CDH18: variants seen among roughly 807,000 people sequenced by gnomAD.
The protein encoded by CDH18 is cadherin 18.
In CDH18, 31 loss-of-function variants were observed where a neutral mutation model predicts 67.9. That is an observed-to-expected ratio of 0.46 (90% CI 0.34 to 0.62). The LOEUF (loss-of-function observed/expected upper bound fraction) is 0.62. CDH18 is among the 20% of genes least tolerant of loss of function. CDH18 has a pLI of 0.01. For synonymous variants in CDH18, 362 were observed against 347.2 expected (o/e 1.04, Z -0.48); for missense variants, 890 against 975.5 (o/e 0.91, Z 1.17).
chr5:20,373,235 C>T (rs922753237), intron 1 of CDH18, among the ~76,000 whole-genome samples: 3 of 152,172 alleles, frequency 2.0e-5, no homozygotes, highest in Admixed American at 6.5e-5. Context: ...GCCTCTCAGA[C>T]TCTACATCAG....
At chr5:20,065,915 A>C (rs72743025) in intron 2 of CDH18, among the ~76,000 whole-genome samples, 1 of 151,800 alleles carries the variant, frequency 6.6e-6, no homozygotes. Flanking sequence ...TGTTTAACAT[A>C]AGTTTATATT....
At chr5:20,280,586 T>G (rs571988711) in intron 1 of CDH18, among the ~76,000 whole-genome samples, 1 of 152,340 alleles carries the variant, frequency 6.6e-6, no homozygotes, top group East Asian at 1.9e-4. Context: ...ATGTGCCACA[T>G]TTTCTTAATC....
chr5:20,316,738 G>T (rs959905612), intron 1 of CDH18, among the ~76,000 whole-genome samples: 2 of 151,884 alleles, frequency 1.3e-5, no homozygotes, highest in African/African-American at 4.8e-5. Flanking sequence ...AGGGGAAAAA[G>T]GAGAGTAGTC....
chr5:19,703,449 T>G (rs1763530832), intron 5 of CDH18, among the ~76,000 whole-genome samples: 1 of 152,036 alleles, frequency 6.6e-6, no homozygotes, highest in Non-Finnish European at 1.5e-5. Context: ...ACAGAGCAGG[T>G]TTGTTTGCCA....
intron 6 of CDH18, among the ~76,000 whole-genome samples, chr5:19,611,314 A>T (rs1269591290): frequency 6.6e-6 from 1 of 152,008 alleles, no homozygotes; most frequent in Non-Finnish European, 1.5e-5. Context: ...ACGAACAAGC[A>T]TGCAAAAGTG....
intron 1 of CDH18, chr5:20,304,100 G>A (rs1736195724): frequency 2.5e-6 from 4 of 1,610,384 alleles, no homozygotes; most frequent in African/African-American, 1.3e-5. Context: ...ATCCTCGCTG[G>A]TGTTTACCCG....
intron 4 of CDH18, among the ~76,000 whole-genome samples, chr5:19,724,644 C>T (rs530046578): frequency 2.1e-4 from 32 of 151,360 alleles, no homozygotes; most frequent in Middle Eastern, 6.8e-3. Context: ...ATGATGTTAC[C>T]ATTGTGAAAA....
chr5:20,379,512 C>A (rs1434102617), intron 1 of CDH18, among the ~76,000 whole-genome samples: 1 of 151,964 alleles, frequency 6.6e-6, no homozygotes, highest in East Asian at 1.9e-4. Context: ...ATACAGCTAC[C>A]ATATAGACAC....
chr5:19,854,790 A>G (rs1581658506), intron 2 of CDH18, among the ~76,000 whole-genome samples: 1 of 151,726 alleles, frequency 6.6e-6, no homozygotes, highest in Admixed American at 6.6e-5. Context: ...TTTTTTTAGC[A>G]CCCTAATGTG....
intron 1 of CDH18, among the ~76,000 whole-genome samples, chr5:20,301,751 C>G (rs1735932411): frequency 6.6e-6 from 1 of 151,266 alleles, no homozygotes; most frequent in East Asian, 1.9e-4. Context: ...TTTTTCTTCC[C>G]CTCCACACCA....
intron 1 of CDH18, among the ~76,000 whole-genome samples, chr5:20,327,476 C>T (rs1162603841): frequency 2.0e-5 from 3 of 151,962 alleles, no homozygotes; most frequent in Non-Finnish European, 4.4e-5. Flanking sequence ...TCTTTTTTCC[C>T]TCCTGCTTGC....
intron 5 of CDH18, among the ~76,000 whole-genome samples, chr5:19,688,586 T>C (rs540267364): frequency 6.6e-6 from 1 of 152,216 alleles, no homozygotes; most frequent in African/African-American, 2.4e-5. Flanking sequence ...AAGTGACTGT[T>C]ACACCATATG....
intron 12 of CDH18, among the ~76,000 whole-genome samples, chr5:19,480,570 G>A (rs1030150735): frequency 4.0e-5 from 6 of 151,686 alleles, no homozygotes; most frequent in Non-Finnish European, 8.8e-5. Context: ...GTAGAGACAG[G>A]GTTTCACCGT....
chr5:19,500,133 C>T (rs970389862), intron 11 of CDH18, among the ~76,000 whole-genome samples: 7 of 151,488 alleles, frequency 4.6e-5, no homozygotes, highest in African/African-American at 1.2e-4. Flanking sequence ...TAATACAAAG[C>T]CCAAGCACAC....
At position 20,069,902 on chromosome 5, in the gene CDH18, G is replaced by C. The variant is rs146185139; in HGVS notation, c.-517-77888C>G. Among the ~76,000 whole-genome samples the C allele has an allele frequency of 2.1e-3, 315 of 151,998 alleles. 2 individuals carry two copies. Among genetic ancestry groups the C allele is most frequent in the South Asian group, 0.018 (87 of 4,812 alleles). On this transcript the variant is annotated intron_variant, in intron 2 of 14. Coordinates refer to the CDH18 transcript ENST00000507958. Reference sequence around the variant, plus strand: ...CCTATATTGACACCGAAATGATCACGGCACCTATAATTATCACCCAAAGTC... The same window carrying C: ...CCTATATTGACACCGAAATGATCACCGCACCTATAATTATCACCCAAAGTC...
At chr5:19,832,102 C>T (rs773872525) in intron 3 of CDH18, among the ~76,000 whole-genome samples, 23 of 151,868 alleles carry the variant, frequency 1.5e-4, no homozygotes, top group African/African-American at 3.9e-4. Context: ...GGACTACAAG[C>T]GGGGGTGAAG....
chr5:19,550,701 G>C (rs185807111), intron 8 of CDH18, among the ~76,000 whole-genome samples: 1 of 122,174 alleles, frequency 8.2e-6, no homozygotes, highest in East Asian at 2.4e-4. Flanking sequence ...CTTTGCTGTT[G>C]TGAATAGTGC....
At chr5:20,418,162 G>T (rs564214678) in intron 1 of CDH18, among the ~76,000 whole-genome samples, 3 of 150,300 alleles carry the variant, frequency 2.0e-5, no homozygotes, top group African/African-American at 7.4e-5. Flanking sequence ...CGCAACCTCC[G>T]CCGCTGGGGT....
intron 1 of CDH18, among the ~76,000 whole-genome samples, chr5:20,516,558 A>C (rs2126504581): frequency 6.6e-6 from 1 of 152,128 alleles, no homozygotes; most frequent in Middle Eastern, 3.4e-3. Flanking sequence ...AAGTTTCAGA[A>C]GTTTGCAAGC....
Sources: gnomAD v4.1 joint callset for allele counts (sites outside exome capture counted in the v4.1 genomes callset) on GRCh38, gnomAD v4.1.1 for gene constraint, MANE v1.5 for transcripts, NCBI Gene and HGNC (gene_info 2026-07-23, HGNC 2026-07-21) for gene names.